Variants in PRCP observed in about 807,000 individuals in gnomAD.
PRCP encodes prolylcarboxypeptidase, also known as lysosomal Pro-X carboxypeptidase.
PRCP carries 46 observed loss-of-function variants against 54.2 expected under a neutral mutation model. The ratio of observed to expected loss-of-function variants is 0.85; its 90% CI spans 0.67 to 1.09. PRCP has a LOEUF of 1.09. Ranked by LOEUF, PRCP falls within the 50% of genes least tolerant of loss-of-function variation. The pLI is 0.00. For synonymous variants in PRCP, 240 were observed against 212.2 expected, an observed-to-expected ratio of 1.13 and a Z score of -1.14; for missense variants, 613 against 596.8, an observed-to-expected ratio of 1.03 and a Z score of -0.28.
At chr11:82,862,695 A>C (rs1175451749) in intron 1 of PRCP, among the ~76,000 whole-genome samples, 2 of 152,226 alleles carry the variant, frequency 1.3e-5, no homozygotes, top group African/African-American at 4.8e-5. Context: ...ATGTAGTCCT[A>C]AAATATGATA....
At chr11:82,872,649 GC>G (rs1181152559) in intron 1 of PRCP, among the ~76,000 whole-genome samples, 1 of 152,144 alleles carries the variant, frequency 6.6e-6, no homozygotes, top group African/African-American at 2.4e-5. Flanking sequence ...CTTCCCCGGA[GC>G]CCGGACCAGG....
Position 82,876,101 on chromosome 11 carries a change from A to T in PRCP, c.169-15984T>A, listed in dbSNP as rs187485335. ...CCCAAAGGAGAATGCTCCTTCTCTG[A>T]TCCTATGACAGCTTCCAGAACAGTC... On this transcript the variant is annotated intron_variant, in intron 1 of 8. Coordinates refer to ENST00000313010, the MANE Select transcript of PRCP (RefSeq NM_005040.4). 7.7e-4 allele frequency among the ~76,000 whole-genome samples: 117 copies of T among 152,318 alleles called. 2 individuals are homozygous for T. The highest frequency in any genetic ancestry group is 3.4e-3 in the Middle Eastern group (1 of 294).
intron 1 of PRCP, among the ~76,000 whole-genome samples, chr11:82,869,553 A>C (rs1859429067): frequency 6.6e-6 from 1 of 152,176 alleles, no homozygotes; most frequent in Non-Finnish European, 1.5e-5. Flanking sequence ...ACCAACAGTG[A>C]ATGAAAAACA....
chr11:82,869,965 A>G (rs1859441036), intron 1 of PRCP, among the ~76,000 whole-genome samples: 1 of 152,248 alleles, frequency 6.6e-6, no homozygotes, highest in Non-Finnish European at 1.5e-5. Context: ...GTGAAGAAAC[A>G]GTTCTATATA....
chr11:82,847,846 G>A (rs113073814), intron 6 of PRCP, among the ~76,000 whole-genome samples: 129 of 152,128 alleles, frequency 8.5e-4, no homozygotes, highest in African/African-American at 3.1e-3. Flanking sequence ...CTCCCACCTC[G>A]GCCTCCCAAA....
chr11:82,828,377 C>G (rs1858294823), intron 8 of PRCP: 1 of 152,186 alleles, frequency 6.6e-6, no homozygotes, highest in African/African-American at 2.4e-5. Context: ...CCAGGTCTGC[C>G]TCTCATCTAC....
intron 1 of PRCP, among the ~76,000 whole-genome samples, chr11:82,882,007 G>T (rs983709366): frequency 2.0e-5 from 3 of 152,032 alleles, no homozygotes; most frequent in African/African-American, 7.3e-5. Flanking sequence ...AAATAAGCTA[G>T]GTAAAAATGT....
chr11:82,825,075 A>G lies in PRCP; in HGVS notation c.1322T>C (p.Ile441Thr). ...PWSGGGVTKDITDTLVAVTIS... is the reference protein window; with the variant it reads ...PWSGGGVTKDTTDTLVAVTIS... ...GGTGACTGCAACCAGAGTGTCTGTG[A>G]TATCCTTAGTTACTCCACCTCCTGA... Residue 441 changes from isoleucine to threonine, a missense_variant, in exon 9 of 9, where the codon ATC (isoleucine) becomes ACC (threonine). Transcript: ENST00000313010. 6.2e-7 allele frequency: 1 copy of G among 1,614,064 alleles called. No individual in the cohort carries two copies. The highest frequency in any genetic ancestry group is 8.5e-7 in the Non-Finnish European group (1 of 1,179,988).
intron 3 of PRCP, among the ~76,000 whole-genome samples, chr11:82,851,805 T>C (rs527586478): frequency 6.6e-6 from 1 of 152,220 alleles, no homozygotes; most frequent in South Asian, 2.1e-4. Context: ...ATAGATCCCA[T>C]CTTTCCTATC....
intron 1 of PRCP, among the ~76,000 whole-genome samples, chr11:82,874,687 T>C (rs1859559055): frequency 7.4e-6 from 1 of 134,808 alleles, no homozygotes; most frequent in African/African-American, 2.8e-5. Context: ...TGAGACCCTG[T>C]CTCAAAAAAA....
chr11:82,888,835 A>C (rs540506336), intron 1 of PRCP, among the ~76,000 whole-genome samples: 3 of 152,308 alleles, frequency 2.0e-5, no homozygotes, highest in Admixed American at 6.5e-5. Context: ...AAAATGGGAG[A>C]GAAGGAGGGG....
Position 82,823,104 on chromosome 11 carries a change from A to G in PRCP, c.*1802T>C, listed in dbSNP as rs149392410. ...CTATATTCCTAAAATGCATACAGTA[A>G]TAGGATACAATTATGCTTGCCAAAA... On this transcript the variant is annotated 3_prime_UTR_variant, in exon 9 of 9. Transcript: ENST00000313010. Among the ~76,000 whole-genome samples, 1,197 of 152,310 alleles carry G rather than the reference A, an allele frequency of 7.9e-3. 18 individuals carry two copies. The highest frequency in any genetic ancestry group is 0.026 in the African/African-American group (1,087 of 41,562).
chr11:82,877,943 A>G (rs1485498422), intron 1 of PRCP, among the ~76,000 whole-genome samples: 2 of 152,196 alleles, frequency 1.3e-5, no homozygotes, highest in African/African-American at 4.8e-5. Context: ...CAGTGAAAGC[A>G]ACTGAGAGGG....
intron 1 of PRCP, among the ~76,000 whole-genome samples, chr11:82,876,312 G>C (rs531173923): frequency 6.0e-4 from 91 of 152,204 alleles, no homozygotes; most frequent in Middle Eastern, 3.2e-3. Context: ...ATTCAAAGTG[G>C]TGTGTGTACA....
chr11:82,900,706 C>G, upstream of PRCP: 1 of 558,052 alleles, frequency 1.8e-6, no homozygotes, highest in Non-Finnish European at 3.4e-6. Context: ...CTCTTCCTAA[C>G]TCATCGCTGT....
chr11:82,843,222 T>C (rs1037761097), intron 6 of PRCP: 5 of 151,962 alleles, frequency 3.3e-5, no homozygotes, highest in African/African-American at 1.2e-4. Context: ...GGTGGGAGGA[T>C]TGCTTCAGTC....
intron 4 of PRCP, 107 bp downstream of exon 4, chr11:82,850,217 C>T: frequency 8.8e-7 from 1 of 1,133,118 alleles, no homozygotes; most frequent in Non-Finnish European, 1.2e-6. Flanking sequence ...AGACAGAAGC[C>T]AGAAACCTCA....
At chr11:82,863,211 C>A (rs1859249489) in intron 1 of PRCP, among the ~76,000 whole-genome samples, 1 of 152,164 alleles carries the variant, frequency 6.6e-6, no homozygotes, top group Non-Finnish European at 1.5e-5. Flanking sequence ...GTTTTGAAAA[C>A]CACTGAGTTA....
chr11:82,880,653 GA>G (rs1859726331), intron 1 of PRCP, among the ~76,000 whole-genome samples: 2 of 152,224 alleles, frequency 1.3e-5, no homozygotes, highest in Middle Eastern at 3.4e-3. Context: ...GGCCATCTTG[GA>G]ACCTCCTCAC....
Sources: allele counts gnomAD v4.1 joint callset (sites outside exome capture counted in the v4.1 genomes callset), GRCh38; gene constraint gnomAD v4.1.1; transcripts MANE v1.5; gene names NCBI Gene and HGNC (gene_info 2026-07-23, HGNC 2026-07-21).